Variants in HIKESHI observed in about 807,000 individuals in gnomAD.
HIKESHI encodes heat shock protein nuclear import factor hikeshi.
HIKESHI carries 13 observed loss-of-function variants against 25.7 expected under a neutral mutation model. That is an observed-to-expected ratio of 0.51 (90% CI 0.33 to 0.80). HIKESHI has a LOEUF of 0.80. Among genes scored for constraint, HIKESHI ranks in the 30% least tolerant of loss-of-function variants. The pLI, the probability that HIKESHI is intolerant of heterozygous loss-of-function variation, is 0.02. For synonymous variants in HIKESHI, 76 were observed against 78.7 expected (o/e 0.97, Z 0.18); for missense variants, 174 against 229.5 (o/e 0.76, Z 1.56).
intron 2 of HIKESHI, among the ~76,000 whole-genome samples, chr11:86,313,031 G>T (rs291199): frequency 0.12 from 18,020 of 151,960 alleles, 1,447 homozygotes; most frequent in East Asian, 0.23. Flanking sequence ...TGACAATTAT[G>T]TGTCTTGGAG....
At chr11:86,345,180 G>A in intron 4 of HIKESHI, 1 of 1,036,590 alleles carries the variant, frequency 9.6e-7, no homozygotes, top group East Asian at 8.6e-5. Flanking sequence ...GTAGCATGGA[G>A]AGCATTGGAA....
intron 2 of HIKESHI, among the ~76,000 whole-genome samples, chr11:86,323,710 C>G (rs1422396082): frequency 6.6e-6 from 1 of 152,156 alleles, no homozygotes; most frequent in Non-Finnish European, 1.5e-5. Context: ...TCTTGTGACA[C>G]GTAAGAGATT....
chr11:86,319,232 A>G (rs1267845166), intron 2 of HIKESHI, among the ~76,000 whole-genome samples: 4 of 89,422 alleles, frequency 4.5e-5, no homozygotes, highest in Admixed American at 1.5e-4. Flanking sequence ...ATATATATAT[A>G]TATATATATA....
At chr11:86,303,354 C>G (rs1946543332) in intron 1 of HIKESHI, 1 of 952,804 alleles carries the variant, frequency 1.0e-6, no homozygotes, top group Non-Finnish European at 1.2e-6. Context: ...TGTACATATA[C>G]AGTTCTAAGA....
rs578222546 is a variant in HIKESHI at position 86,335,183 on chromosome 11, A to G, written c.269-2196A>G. ...AAAGAATTGTAATTAACTTGTTTTC[A>G]TCTGTCTGGTGGCTTGCTAGAAGAC... On this transcript the variant is annotated intron_variant, in intron 2 of 4. Transcript: ENST00000278483. Among the ~76,000 whole-genome samples the G allele has an allele frequency of 4.6e-5, 7 of 152,272 alleles. No homozygotes were observed. The South Asian group carries it at 6.2e-4, about 14-fold the overall frequency.
intron 2 of HIKESHI, among the ~76,000 whole-genome samples, chr11:86,306,976 G>T (rs1946642702): frequency 6.8e-6 from 1 of 147,634 alleles, no homozygotes; most frequent in African/African-American, 2.5e-5. Flanking sequence ...CTCCAGCCTG[G>T]GTGACAGAGC....
intron 2 of HIKESHI, chr11:86,323,969 GC>G (rs1947210711): frequency 6.6e-6 from 1 of 152,070 alleles, no homozygotes; most frequent in South Asian, 2.1e-4. Context: ...TTTATTGTCT[GC>G]TTTTTATTTT....
intron 1 of HIKESHI, among the ~76,000 whole-genome samples, chr11:86,305,144 C>T (rs563710280): frequency 4.0e-5 from 6 of 151,872 alleles, no homozygotes; most frequent in South Asian, 2.1e-4. Flanking sequence ...GGACCAAAGG[C>T]GCATGCCACC....
intron 2 of HIKESHI, among the ~76,000 whole-genome samples, chr11:86,312,253 G>A (rs777804364): frequency 2.6e-5 from 4 of 152,158 alleles, no homozygotes; most frequent in Non-Finnish European, 4.4e-5. Context: ...CCTGTATTGG[G>A]TGCATATATA....
chr11:86,303,937 CTGG>C (rs1398614024), intron 1 of HIKESHI, among the ~76,000 whole-genome samples: 1 of 152,054 alleles, frequency 6.6e-6, no homozygotes, highest in African/African-American at 2.4e-5. Context: ...TTTATTTTGC[CTGG>C]TGGTTATTTC....
intron 2 of HIKESHI, among the ~76,000 whole-genome samples, chr11:86,321,807 G>A (rs1947155382): frequency 6.6e-6 from 1 of 152,164 alleles, no homozygotes; most frequent in African/African-American, 2.4e-5. Context: ...TGGGATTACA[G>A]ACGCGAGTCT....
chr11:86,331,887 TTTAAG>T (rs1037686832), intron 2 of HIKESHI, among the ~76,000 whole-genome samples: 1 of 152,130 alleles, frequency 6.6e-6, no homozygotes, highest in Non-Finnish European at 1.5e-5. Context: ...AGCAGGCATA[TTTAAG>T]TTGTTTCTGT....
At chr11:86,304,403 A>G (rs1211850950) in intron 1 of HIKESHI, among the ~76,000 whole-genome samples, 1 of 152,130 alleles carries the variant, frequency 6.6e-6, no homozygotes, top group Non-Finnish European at 1.5e-5. Flanking sequence ...AAATCACAAA[A>G]ATGCTTTAAA....
At chr11:86,314,375 G>A (rs1199164616) in intron 2 of HIKESHI, among the ~76,000 whole-genome samples, 7 of 152,132 alleles carry the variant, frequency 4.6e-5, no homozygotes, top group Non-Finnish European at 7.3e-5. Context: ...TAGCATTTTG[G>A]GAGGCCGAGG....
At chr11:86,333,580 A>G (rs1305611777) in intron 2 of HIKESHI, among the ~76,000 whole-genome samples, 2 of 152,016 alleles carry the variant, frequency 1.3e-5, no homozygotes, top group Non-Finnish European at 2.9e-5. Flanking sequence ...GAAAAGAAAT[A>G]TGGTATTCTA....
At chr11:86,333,525 ACT>A (rs1429883692) in intron 2 of HIKESHI, among the ~76,000 whole-genome samples, 2 of 150,018 alleles carry the variant, frequency 1.3e-5, no homozygotes, top group South Asian at 2.1e-4. Flanking sequence ...ACAGAGTGAG[ACT>A]CTGTCTCAAC....
intron 2 of HIKESHI, among the ~76,000 whole-genome samples, chr11:86,329,355 A>G (rs1947363754): frequency 6.6e-6 from 1 of 152,188 alleles, no homozygotes; most frequent in Non-Finnish European, 1.5e-5. Flanking sequence ...ATCTCAAAAC[A>G]TTTTAAATTT....
At chr11:86,324,423 G>C (rs1947224677) in intron 2 of HIKESHI, 1 of 152,174 alleles carries the variant, frequency 6.6e-6, no homozygotes. Flanking sequence ...TGGTAAAGCA[G>C]AATGTTTTAT....
At chr11:86,333,554 AAAC>A (rs1947474241) in intron 2 of HIKESHI, among the ~76,000 whole-genome samples, 1 of 82,728 alleles carries the variant, frequency 1.2e-5, no homozygotes, top group Non-Finnish European at 2.2e-5. Flanking sequence ...AACAACAAAC[AAAC>A]AAAAAAAAAA....
Sources: allele counts gnomAD v4.1 joint callset (sites outside exome capture counted in the v4.1 genomes callset), GRCh38; gene constraint gnomAD v4.1.1; transcripts MANE v1.5; gene names NCBI Gene and HGNC (gene_info 2026-07-23, HGNC 2026-07-21).